Variants in ARGFX observed in about 807,000 individuals in gnomAD.
The protein encoded by ARGFX is arginine-fifty homeobox.
In ARGFX, 10 loss-of-function variants were observed where a neutral mutation model predicts 8.0. The ratio of observed to expected loss-of-function variants is 1.25; its 90% CI spans 0.77 to 2.12. The LOEUF is 2.12. Ranked by LOEUF, ARGFX falls within the 30% of genes most tolerant of loss-of-function variation. The pLI, the probability that ARGFX is intolerant of heterozygous loss-of-function variation, is 0.00. For synonymous variants in ARGFX, 116 were observed against 117.8 expected (o/e 0.98, Z 0.10); for missense variants, 282 against 324.3 (o/e 0.87, Z 1.00).
chr3:121,587,600 A>G lies in ARGFX; in HGVS notation c.*1000A>G, dbSNP rs2048820010. ...TATGTGTTGTGGAAGTGAGTACACT[A>G]TCATCCACTTTTAATGACAGAAAGT... On this transcript the variant is annotated 3_prime_UTR_variant, in exon 5 of 5. Transcript: ENST00000334384. Among the ~76,000 whole-genome samples, 1 of 152,180 alleles carries G rather than the reference A, an allele frequency of 6.6e-6. No homozygotes were observed. The highest frequency in any genetic ancestry group is 2.4e-5 in the African/African-American group (1 of 41,452).
intron 1 of ARGFX, among the ~76,000 whole-genome samples, chr3:121,569,361 A>AC (rs1208550448): frequency 9.0e-5 from 13 of 143,950 alleles, no homozygotes; most frequent in African/African-American, 3.1e-4. Context: ...CAATGTGAAA[A>AC]CTTTTTTTTT....
intron 2 of ARGFX, among the ~76,000 whole-genome samples, chr3:121,571,997 T>G (rs2048711738): frequency 6.6e-6 from 1 of 150,634 alleles, no homozygotes; most frequent in South Asian, 2.1e-4. Flanking sequence ...CCTGGCTAAT[T>G]TTTTTGTATT....
intron 3 of ARGFX, among the ~76,000 whole-genome samples, chr3:121,577,226 CATATATATATATATAT>C (rs71133554): frequency 3.4e-5 from 3 of 87,142 alleles, no homozygotes; most frequent in Admixed American, 1.4e-4. Context: ...TCTACATGTA[CATATATATATATATAT>C]ATATATATAT....
chr3:121,580,119 T>C (rs561717007), intron 3 of ARGFX, among the ~76,000 whole-genome samples: 1 of 151,552 alleles, frequency 6.6e-6, no homozygotes, highest in South Asian at 2.1e-4. Flanking sequence ...CACCCTTTTT[T>C]GTAGAGACGG....
intron 2 of ARGFX, among the ~76,000 whole-genome samples, chr3:121,573,631 C>T (rs906506115): frequency 6.6e-6 from 1 of 151,314 alleles, no homozygotes; most frequent in Non-Finnish European, 1.5e-5. Context: ...GGGCAAAAAC[C>T]TGAGGTCAGG....
intron 2 of ARGFX, among the ~76,000 whole-genome samples, chr3:121,572,236 GT>G (rs35928051): frequency 0.13 from 17,006 of 127,338 alleles, 1,158 homozygotes; most frequent in African/African-American, 0.2. Context: ...TATTATTGTT[GT>G]TTTTTTTTTT....
chr3:121,573,396 G>C (rs183756487), intron 2 of ARGFX, among the ~76,000 whole-genome samples: 2 of 151,752 alleles, frequency 1.3e-5, no homozygotes, highest in Non-Finnish European at 2.9e-5. Context: ...TGGGAGAATC[G>C]CTTGAACTTG....
chr3:121,578,856 T>C (rs2048760127), intron 3 of ARGFX, among the ~76,000 whole-genome samples: 1 of 151,436 alleles, frequency 6.6e-6, no homozygotes, highest in African/African-American at 2.4e-5. Context: ...TTTTTGTATT[T>C]TTAGTAGATA....
At chr3:121,579,954 T>G (rs914493020) in intron 3 of ARGFX, among the ~76,000 whole-genome samples, 6 of 134,994 alleles carry the variant, frequency 4.4e-5, no homozygotes, top group African/African-American at 1.7e-4. Context: ...TCTTTTTTTT[T>G]TTTTTTTTTT....
Position 121,586,002 on chromosome 3 carries a change from C to T in ARGFX, c.370-20C>T, listed in dbSNP as rs748372028. 2.6e-6 allele frequency: 4 copies of T among 1,549,880 alleles called. No individual in the cohort carries two copies. The Admixed American group carries it at 6.1e-5, about 23-fold the overall frequency. ...CCTCCAATAACAGACCACAATCTCC[C>T]CCTCTTCCCCTACTCCCAGGTTTGG... On this transcript the variant is annotated intron_variant, in intron 4 of 4. Coordinates refer to ENST00000334384, the MANE Select transcript of ARGFX (RefSeq NM_001012659.2).
rs772980370 is a variant in ARGFX at position 121,586,351 on chromosome 3, G to A, written c.699G>A (p.Leu233=). The A allele has an allele frequency of 3.7e-5, 59 of 1,614,070 alleles. 1 individual carries two copies. In the South Asian group the frequency reaches 6.3e-4, roughly 17 times the overall value. ...DAYDIFQIIE[L]YNLPDENEIS... ...ATGACATATTCCAAATCATAGAACTGTACAATCTTCCTGATGAGAATGAGA... is the reference window on the plus strand; with the variant it reads ...ATGACATATTCCAAATCATAGAACTATACAATCTTCCTGATGAGAATGAGA... The change falls in exon 5 of 5, where the codon CTG becomes CTA. Residue 233 remains leucine, a synonymous_variant. Coordinates refer to ENST00000334384, the MANE Select transcript of ARGFX (RefSeq NM_001012659.2).
intron 3 of ARGFX, among the ~76,000 whole-genome samples, chr3:121,584,299 A>C (rs1404779574): frequency 1.3e-5 from 2 of 152,080 alleles, no homozygotes; most frequent in Admixed American, 1.3e-4. Context: ...AAGCAAAGCA[A>C]AGAAAAGAGC....
chr3:121,586,182 G>T lies in ARGFX; in HGVS notation c.530G>T (p.Ser177Ile), dbSNP rs2048811752. 1 of 1,613,874 alleles carries T rather than the reference G, an allele frequency of 6.2e-7. No homozygotes were observed. Among genetic ancestry groups the T allele is most frequent in the Non-Finnish European group, 8.5e-7 (1 of 1,179,980 alleles). ...TCTCCTGTGATTTCAGATTTCTACA[G>T]CTCCCTTCCATCTCAGCCCTTAGAC... Reference protein sequence around the residue: ...AFSPVISDFYSSLPSQPLDPS... With the variant: ...AFSPVISDFYISLPSQPLDPS... The change falls in exon 5 of 5, where the codon AGC becomes ATC. Residue 177 changes from serine (S) to isoleucine (I), a missense_variant. Physicochemically the swap from Ser to Ile is moderately radical, Grantham distance 142 (BLOSUM62 -2). Transcript: ENST00000334384.
chr3:121,573,480 C>G (rs1397341815), intron 2 of ARGFX, among the ~76,000 whole-genome samples: 1 of 139,496 alleles, frequency 7.2e-6, no homozygotes, highest in African/African-American at 2.7e-5. Context: ...GACTCTGTCT[C>G]AAAAAAGAAA....
At position 121,583,386 on chromosome 3, in the gene ARGFX, A is replaced by G. The variant is rs2048791819; in HGVS notation, c.221-1531A>G. Reference sequence around the variant, plus strand: ...TCCTTTCCATTGCCATTAAAAAACTATACTTTTTCAATCTTCTATACATAT... The same window carrying G: ...TCCTTTCCATTGCCATTAAAAAACTGTACTTTTTCAATCTTCTATACATAT... On this transcript the variant is annotated intron_variant, in intron 3 of 4. Transcript: ENST00000334384. 2.0e-5 allele frequency among the ~76,000 whole-genome samples: 3 copies of G among 152,072 alleles called. No homozygotes were observed. In the South Asian group the frequency reaches 6.2e-4, roughly 32 times the overall value.
chr3:121,583,025 A>ATTTT (rs35823830), intron 3 of ARGFX, among the ~76,000 whole-genome samples: 6 of 108,356 alleles, frequency 5.5e-5, no homozygotes, highest in East Asian at 2.7e-4. Context: ...TAATTGCGGG[A>ATTTT]TTTTTTTTTT....
Position 121,587,602 on chromosome 3 carries a change from C to T in ARGFX, c.*1002C>T, listed in dbSNP as rs1249751615. Among the ~76,000 whole-genome samples the T allele has an allele frequency of 1.3e-5, 2 of 152,178 alleles. No individual in the cohort carries two copies. The highest frequency in any genetic ancestry group is 2.9e-5 in the Non-Finnish European group (2 of 68,032). Reference sequence around the variant, plus strand: ...TGTGTTGTGGAAGTGAGTACACTATCATCCACTTTTAATGACAGAAAGTTA... The same window carrying T: ...TGTGTTGTGGAAGTGAGTACACTATTATCCACTTTTAATGACAGAAAGTTA... On this transcript the variant is annotated 3_prime_UTR_variant, in exon 5 of 5. Transcript: ENST00000334384.
At chr3:121,584,831 T>C (rs888363961) in intron 3 of ARGFX, 86 bp from the exon 4 acceptor site, 2 of 1,449,526 alleles carry the variant, frequency 1.4e-6, no homozygotes, top group African/African-American at 1.4e-5. Flanking sequence ...ACCATGGTGA[T>C]TTGTTTTTTG....
chr3:121,585,085 G>T lies in ARGFX; in HGVS notation c.369+20G>T, dbSNP rs1255907548. 6.2e-7 allele frequency: 1 copy of T among 1,611,422 alleles called. No homozygotes were observed. The highest frequency in any genetic ancestry group is 1.1e-5 in the South Asian group (1 of 90,506). On this transcript the variant is annotated intron_variant, in intron 4 of 4. Transcript: ENST00000334384. ...GTAAAGGTCTGATCCCCTGTGGTGT[G>T]CTTGGTACCCCCATCCAAGCCACAT... is the stretch of plus-strand genomic sequence containing the variant.
Sources: gnomAD v4.1 joint callset for allele counts (sites outside exome capture counted in the v4.1 genomes callset) on GRCh38, gnomAD v4.1.1 for gene constraint, MANE v1.5 for transcripts, NCBI Gene and HGNC (gene_info 2026-07-23, HGNC 2026-07-21) for gene names.